Variants in CELF2 observed in about 807,000 individuals in gnomAD.
CELF2 encodes CUG triplet repeat RNA-binding protein 2.
A neutral mutation model predicts 62.6 loss-of-function variants in CELF2; 8 were observed. The observed-to-expected ratio is 0.13, with a 90% CI of 0.07 to 0.23. CELF2 has a LOEUF of 0.23. Ranked by LOEUF, CELF2 falls within the 10% of genes least tolerant of loss-of-function variation. CELF2 has a pLI of 1.00. For missense variants in CELF2, 333 were observed against 671.0 expected (o/e 0.50, Z 5.56); for synonymous variants, 258 against 250.0 (o/e 1.03, Z -0.30).
chr10:10,765,321 G>A, the CELF2 span, among the ~76,000 whole-genome samples: 1 of 152,208 alleles, frequency 6.6e-6, no homozygotes, highest in Non-Finnish European at 1.5e-5. Context: ...CGAGGTGAGA[G>A]ATGTTTGGTG....
chr10:10,797,183 A>T (rs546913876), upstream of CELF2, among the ~76,000 whole-genome samples: 202 of 152,272 alleles, frequency 1.3e-3, no homozygotes, highest in African/African-American at 4.7e-3. Flanking sequence ...GAAAGAACAG[A>T]GATTCTCTTT....
At position 11,255,241 on chromosome 10, in the gene CELF2, C is replaced by T. The variant is rs1235877736; in HGVS notation, c.404-2497C>T. On this transcript the variant is annotated intron_variant, in intron 4 of 12. Coordinates refer to ENST00000633077, the MANE Select transcript of CELF2 (RefSeq NM_001326342.2). The surrounding 1 kb of genome is among the most constrained non-coding windows in gnomAD (Gnocchi z 5.5). ...TACAGGAGGTCAGGTCCTCAGCAGT[C>T]TCCCTCCCAGGAATTGGAGCCCGGG... Among the ~76,000 whole-genome samples, 4 of 152,224 alleles carry T rather than the reference C, an allele frequency of 2.6e-5. No homozygotes were observed. Among genetic ancestry groups the T allele is most frequent in the Admixed American group, 2.6e-4 (4 of 15,284 alleles).
chr10:10,902,239 T>G (rs1040403706), intron 1 of CELF2, among the ~76,000 whole-genome samples: 2 of 152,208 alleles, frequency 1.3e-5, no homozygotes, highest in Non-Finnish European at 2.9e-5. Context: ...CTCCTAGATG[T>G]TTACTCAAGA....
the CELF2 span, among the ~76,000 whole-genome samples, chr10:10,528,371 C>T: frequency 7.8e-4 from 119 of 152,298 alleles, no homozygotes; most frequent in African/African-American, 2.7e-3. Context: ...CACCATGACC[C>T]TGTAGGCTGG....
rs567246146 is a variant in CELF2, at chr10:10,993,127, C to A, written c.89+73128C>A. On this transcript the variant is annotated intron_variant, in intron 2 of 13. Transcript: ENST00000636488. The surrounding 1 kb of genome is among the most constrained non-coding windows in gnomAD (Gnocchi z 5.3). ...TGCAGGGCCAGCTGCTGTTTCCCAC[C>A]GAAGAGGCGAGTCAGCAGATCAGTA... Among the ~76,000 whole-genome samples the A allele has an allele frequency of 6.6e-6, 1 of 152,092 alleles. No individual in the cohort carries two copies. The highest frequency in any genetic ancestry group is 1.5e-5 in the Non-Finnish European group (1 of 68,024).
chr10:10,738,736 G>C, the CELF2 span, among the ~76,000 whole-genome samples: 5 of 152,098 alleles, frequency 3.3e-5, no homozygotes, highest in African/African-American at 9.7e-5. Flanking sequence ...ATCAAACATA[G>C]GCAAAGTCCA....
chr10:10,916,598 A>G (rs1471538401), intron 1 of CELF2, among the ~76,000 whole-genome samples: 1 of 152,090 alleles, frequency 6.6e-6, no homozygotes, highest in Non-Finnish European at 1.5e-5. Context: ...ATAGTCCACC[A>G]TTTGGAATTT....
chr10:10,926,813 G>T (rs530130876), intron 2 of CELF2, among the ~76,000 whole-genome samples: 31 of 152,296 alleles, frequency 2.0e-4, no homozygotes, highest in African/African-American at 7.2e-4. Flanking sequence ...TTAAAGAATG[G>T]CATCCATGCC....
chr10:11,213,955 G>A (rs773997046), intron 2 of CELF2, among the ~76,000 whole-genome samples: 37 of 152,128 alleles, frequency 2.4e-4, no homozygotes, highest in Non-Finnish European at 4.6e-4. Flanking sequence ...ACCTAGTTTC[G>A]TGGGGGGATA....
chr10:11,056,088 C>T (rs1269544832), intron 1 of CELF2, among the ~76,000 whole-genome samples: 5 of 152,106 alleles, frequency 3.3e-5, no homozygotes, highest in African/African-American at 1.2e-4. Flanking sequence ...AATGCTGAGC[C>T]CATGTATAGA....
At chr10:10,757,781 G>C in the CELF2 span, among the ~76,000 whole-genome samples, 1 of 152,214 alleles carries the variant, frequency 6.6e-6, no homozygotes, top group Non-Finnish European at 1.5e-5. Flanking sequence ...AATGTGGAGA[G>C]AGGGAGGAAA....
At chr10:11,264,982 A>G (rs1369699471) in intron 5 of CELF2, among the ~76,000 whole-genome samples, 4 of 152,202 alleles carry the variant, frequency 2.6e-5, no homozygotes, top group African/African-American at 9.6e-5. Flanking sequence ...AAATTATAGC[A>G]TGATGCAAAC....
intron 1 of CELF2, among the ~76,000 whole-genome samples, chr10:10,827,042 C>G (rs1265211939): frequency 1.3e-5 from 2 of 152,172 alleles, no homozygotes; most frequent in African/African-American, 2.4e-5. Context: ...TAGAATTAAT[C>G]AAGTAGGACT....
intron 4 of CELF2, among the ~76,000 whole-genome samples, chr10:11,256,288 C>G (rs2078710497): frequency 6.6e-6 from 1 of 152,230 alleles, no homozygotes; most frequent in South Asian, 2.1e-4. Flanking sequence ...AGGAACCCAC[C>G]TGTTACCAGT....
At chr10:10,486,906 G>A in the CELF2 span, among the ~76,000 whole-genome samples, 1 of 152,134 alleles carries the variant, frequency 6.6e-6, no homozygotes, top group Admixed American at 6.6e-5. Context: ...AGGGAGCAGA[G>A]AGGAATTACT....
chr10:10,553,468 A>G, the CELF2 span, among the ~76,000 whole-genome samples: 26 of 152,164 alleles, frequency 1.7e-4, no homozygotes, highest in Non-Finnish European at 2.5e-4. Context: ...ATCTCCAAAT[A>G]TCATTGCACG....
the CELF2 span, among the ~76,000 whole-genome samples, chr10:10,766,460 C>T: frequency 4.9e-3 from 747 of 152,194 alleles, 4 homozygotes; most frequent in African/African-American, 9.6e-3. Flanking sequence ...ATGTGTGTTC[C>T]GGGAAAGACA....
At chr10:10,530,750 C>G in the CELF2 span, among the ~76,000 whole-genome samples, 1 of 152,306 alleles carries the variant, frequency 6.6e-6, no homozygotes, top group East Asian at 1.9e-4. Context: ...TGAGATGGGT[C>G]CATTGAAAGA....
At chr10:11,230,610 A>G (rs753011767) in intron 3 of CELF2, among the ~76,000 whole-genome samples, 2 of 152,208 alleles carry the variant, frequency 1.3e-5, no homozygotes, top group Non-Finnish European at 2.9e-5. Context: ...GAGGTGAGAA[A>G]GTAAATGGAG....
Sources: allele counts gnomAD v4.1 joint callset (sites outside exome capture counted in the v4.1 genomes callset), GRCh38; gene constraint gnomAD v4.1.1; non-coding constraint Gnocchi (gnomAD v3.1); transcripts MANE v1.5; gene names NCBI Gene and HGNC (gene_info 2026-07-23, HGNC 2026-07-21).